The following ALDH1L2 variants were observed in gnomAD, a reference collection of about 807,000 sequenced individuals.
ALDH1L2 encodes aldehyde dehydrogenase 1 family member L2.
Under a neutral mutation model 111.0 loss-of-function variants are expected in ALDH1L2, and 91 were observed. That is an observed-to-expected ratio of 0.82 (90% CI 0.69 to 0.98). ALDH1L2 has a LOEUF of 0.98. Ranked by LOEUF, ALDH1L2 falls within the 50% of genes least tolerant of loss-of-function variation. The pLI is 0.00. For synonymous variants in ALDH1L2, 374 were observed against 392.6 expected (o/e 0.95, Z 0.56); for missense variants, 995 against 1,126.8 (o/e 0.88, Z 1.67).
chr12:105,044,452 A>C (rs1431778364), intron 15 of ALDH1L2, among the ~76,000 whole-genome samples: 2 of 151,504 alleles, frequency 1.3e-5, no homozygotes, highest in African/African-American at 2.4e-5. Context: ...AGTGGGGCCC[A>C]ATATCAGCAT....
intron 10 of ALDH1L2, among the ~76,000 whole-genome samples, chr12:105,057,762 G>GAACAT (rs1453434781): frequency 1.3e-5 from 2 of 152,128 alleles, no homozygotes; most frequent in Admixed American, 1.3e-4. Context: ...TCCAATTTTG[G>GAACAT]AACATTTTTT....
chr12:105,061,474 A>G (rs1174908603), intron 8 of ALDH1L2, among the ~76,000 whole-genome samples, 153 bp downstream of exon 8: 4 of 152,228 alleles, frequency 2.6e-5, no homozygotes, highest in Admixed American at 2.0e-4. Context: ...GTGTTTAAGC[A>G]TATGAATTTG....
chr12:105,036,193 A>ATTAT (rs1471243919), intron 18 of ALDH1L2, among the ~76,000 whole-genome samples: 3 of 50,208 alleles, frequency 6.0e-5, no homozygotes, highest in Middle Eastern at 0.038. Flanking sequence ...ATGTGTATAT[A>ATTAT]ATATATACAC....
At chr12:105,080,308 G>T (rs554726783) in intron 1 of ALDH1L2, among the ~76,000 whole-genome samples, 1 of 152,014 alleles carries the variant, frequency 6.6e-6, no homozygotes, top group South Asian at 2.1e-4. Flanking sequence ...AGTGAAAAAT[G>T]GTATCTTGTT....
chr12:105,051,978 C>T, intron 12 of ALDH1L2, 112 bp downstream of exon 12: 2 of 1,007,190 alleles, frequency 2.0e-6, no homozygotes, highest in Non-Finnish European at 1.3e-6. Context: ...GAGGCTGAGG[C>T]AGGTGAATCA....
chr12:105,034,945 C>T (rs1006873700), intron 18 of ALDH1L2, among the ~76,000 whole-genome samples: 7 of 152,066 alleles, frequency 4.6e-5, no homozygotes, highest in African/African-American at 7.2e-5. Context: ...GATCACACCA[C>T]TGCACTCCAG....
At chr12:105,046,191 CTCTATATATATA>C (rs1875864104) in intron 15 of ALDH1L2, among the ~76,000 whole-genome samples, 2 of 21,256 alleles carry the variant, frequency 9.4e-5, no homozygotes, top group Admixed American at 7.6e-4. Flanking sequence ...CTCTCTCTCT[CTCTATATATATA>C]TATATATATA....
intron 13 of ALDH1L2, among the ~76,000 whole-genome samples, chr12:105,047,206 T>A (rs1459297776): frequency 6.6e-6 from 1 of 152,222 alleles, no homozygotes; most frequent in Non-Finnish European, 1.5e-5. Flanking sequence ...TTGCTTGGCC[T>A]GGCAGAGAAT....
In ALDH1L2 at chr12:105,070,720, T is replaced by C. The variant is rs748179005; in HGVS notation, c.278A>G (p.Glu93Gly). The C allele has an allele frequency of 6.2e-6, 10 of 1,614,204 alleles. No individual in the cohort carries two copies. The Admixed American group carries it at 1.7e-4, about 27-fold the overall frequency. Residue 93 changes from glutamate to glycine, a missense_variant, in exon 3 of 23, where the codon GAA becomes GGA. By Grantham distance (98) the Glu-to-Gly change is moderately conservative. Transcript: ENST00000258494. ...VKGKTIKEVA[E>G]AYRSVGAELN... ...CTCTGCACCCACGGATCTGTAGGCT[T>C]CTGCCACTTCTTTGATGGTCTTGCC...
At position 105,064,114 on chromosome 12, in the gene ALDH1L2, C is replaced by CTTTTTTTTTTTTTTTTTTT. The variant is rs71069786; in HGVS notation, c.787-1111_787-1093dup. 3.1e-4 allele frequency among the ~76,000 whole-genome samples: 11 copies of CTTTTTTTTTTTTTTTTTTT among 35,126 alleles called. 1 individual carries two copies. The highest frequency in any genetic ancestry group is 5.4e-4 in the African/African-American group (5 of 9,290). The allele number at this position is 35,126 out of a possible 152,430, so 23.0% of individuals were successfully genotyped here. ...TACAGGCACATGCCACCACACCGAG[C>CTTTTTTTTTTTTTTTTTTT]TTTTTTTTTTTTTTTTTTTTTTTTT... On this transcript the variant is annotated intron_variant, in intron 6 of 22. Transcript: ENST00000258494.
chr12:105,025,640 A>G (rs1204274316), intron 22 of ALDH1L2, among the ~76,000 whole-genome samples: 1 of 152,268 alleles, frequency 6.6e-6, no homozygotes. Flanking sequence ...ATTAGTAAAG[A>G]GAAAATGTAA....
At position 105,066,460 on chromosome 12, in the gene ALDH1L2, C is replaced by G. The variant is rs1877359262; in HGVS notation, c.696+108G>C. The G allele has an allele frequency of 3.1e-6, 3 of 979,534 alleles. No individual in the cohort carries two copies. The South Asian group carries it at 4.5e-5, about 15-fold the overall frequency. 60.7% of individuals were successfully genotyped at this position (979,534 alleles called of 1,614,324 possible). Reference sequence around the variant, plus strand: ...TACCTGTCTACTCTAACAGGTAGGGCTAGGGCAAGCTGGCTTACCTTTTGG... The same window carrying G: ...TACCTGTCTACTCTAACAGGTAGGGGTAGGGCAAGCTGGCTTACCTTTTGG... On this transcript the variant is annotated intron_variant, in intron 5 of 22. Transcript: ENST00000258494.
At position 105,068,929 on chromosome 12, in the gene ALDH1L2, C is replaced by G. The variant is rs201598516; in HGVS notation, c.429-45G>C. Reference sequence around the variant, plus strand: ...AATTTAAAATGTTGGTTAACTGTATCATAAAGTGATGAATTAGTGATATTA... The same window carrying G: ...AATTTAAAATGTTGGTTAACTGTATGATAAAGTGATGAATTAGTGATATTA... On this transcript the variant is annotated intron_variant, in intron 3 of 22. Transcript: ENST00000258494. The G allele has an allele frequency of 1.1e-4, 153 of 1,403,048 alleles. No homozygotes were observed. The African/African-American group carries it at 2.0e-3, about 18-fold the overall frequency. 86.9% of individuals were successfully genotyped at this position (1,403,048 alleles called of 1,614,324 possible). A position where few individuals can be genotyped will look rare whatever the true frequency, so the allele number is the denominator to read the frequency against.
At chr12:105,046,193 C>CTCTATATATATA (rs1256472590) in intron 15 of ALDH1L2, among the ~76,000 whole-genome samples, 5 of 20,180 alleles carry the variant, frequency 2.5e-4, no homozygotes, top group East Asian at 2.8e-3. Context: ...CTCTCTCTCT[C>CTCTATATATATA]TATATATATA....
At chr12:105,029,757 A>T (rs569168116) in intron 21 of ALDH1L2, among the ~76,000 whole-genome samples, 1 of 152,066 alleles carries the variant, frequency 6.6e-6, no homozygotes, top group Non-Finnish European at 1.5e-5. Flanking sequence ...GCAGTATACC[A>T]TGAGACCCCA....
chr12:105,073,882 C>A lies in ALDH1L2; in HGVS notation c.172G>T (p.Asp58Tyr). The change falls in exon 2 of 23, where the codon GAT becomes TAT. Residue 58 changes from aspartate (D) to tyrosine (Y), a missense_variant. Asp to Tyr is a radical substitution (Grantham distance 160, BLOSUM62 -3). Transcript: ENST00000258494. ...TCACCCAGAGGGTCAGCTTTTCCAT[C>A]CTTGTCTGGAACTGTGAACACCCCT... ...VVGVFTVPDKDGKADPLALAA... is the reference protein window; with the variant it reads ...VVGVFTVPDKYGKADPLALAA... The A allele has an allele frequency of 1.9e-6, 3 of 1,614,144 alleles. No homozygotes were observed.
chr12:105,030,413 C>A lies in ALDH1L2; in HGVS notation c.2427G>T (p.Pro809=). Residue 809 remains proline (P), a synonymous_variant, in exon 21 of 23, where the codon CCG becomes CCT. Transcript: ENST00000258494. Reference sequence around the variant, plus strand: ...AGTCTTCCACATCTGTGAACACGGTCGGCTCCATGAAAAAGCCTTTTTGGA... The same window carrying A: ...AGTCTTCCACATCTGTGAACACGGTAGGCTCCATGAAAAAGCCTTTTTGGA... ...QVQRPGFFME[P]TVFTDVEDYM... is the part of the protein sequence containing the mutation. 1.2e-6 allele frequency: 2 copies of A among 1,605,192 alleles called. No individual in the cohort carries two copies. The highest frequency in any genetic ancestry group is 1.7e-6 in the Non-Finnish European group (2 of 1,175,296).
Position 105,070,610 on chromosome 12 carries a change from A to G in ALDH1L2, c.388T>C (p.Ser130Pro), listed in dbSNP as rs1384390707. 3.1e-6 allele frequency: 5 copies of G among 1,614,032 alleles called. No homozygotes were observed. Among genetic ancestry groups the G allele is most frequent in the Non-Finnish European group, 4.2e-6 (5 of 1,179,964 alleles). ...PKHGSIIYHP[S>P]ILPRHRGASA... The stretch of plus-strand genomic sequence containing the variant: ...GCTCCTCTGTGCCTGGGCAGGATGG[A>G]TGGGTGATAAATGATAGAGCCGTGC... Residue 130 changes from serine (S) to proline (P), a missense_variant, in exon 3 of 23, where the codon TCC (serine) becomes CCC (proline). Coordinates refer to ENST00000258494, the MANE Select transcript of ALDH1L2 (RefSeq NM_001034173.4).
intron 17 of ALDH1L2, 39 bp from the exon 18 acceptor site, chr12:105,038,241 A>ATCTCTC (rs112805543): frequency 1.1e-6 from 1 of 909,352 alleles, no homozygotes; most frequent in Non-Finnish European, 1.7e-6. Flanking sequence ...TTTAGTTAAC[A>ATCTCTC]TCTCTCTCTC....
Sources: gnomAD v4.1 joint callset for allele counts (sites outside exome capture counted in the v4.1 genomes callset) on GRCh38, gnomAD v4.1.1 for gene constraint, MANE v1.5 for transcripts, NCBI Gene and HGNC (gene_info 2026-07-23, HGNC 2026-07-21) for gene names.